DLG2: variants seen among roughly 807,000 people sequenced by gnomAD.
The protein encoded by DLG2 is disks large homolog 2.
In DLG2, 45 loss-of-function variants were observed where a neutral mutation model predicts 132.5. The observed-to-expected ratio is 0.34, with a 90% CI of 0.27 to 0.44. The LOEUF is 0.44. Ranked by LOEUF, DLG2 falls within the 20% of genes least tolerant of loss-of-function variation. DLG2 has a pLI of 1.00. For missense variants in DLG2, 1,045 were observed against 1,196.9 expected (o/e 0.87, Z 1.87); for synonymous variants, 424 against 419.6 (o/e 1.01, Z -0.13).
Position 83,763,738 on chromosome 11 carries a change from C to T in DLG2, c.1825+22952G>A, listed in dbSNP as rs566509394. Among the ~76,000 whole-genome samples the T allele has an allele frequency of 2.0e-5, 3 of 152,220 alleles. No individual in the cohort carries two copies. In the South Asian group the frequency reaches 6.2e-4, roughly 32 times the overall value. ...GAATATAACATATAATGCTGTATCC[C>T]ACATTAGCTGCATTTTAGACTCAAA... On this transcript the variant is annotated intron_variant, in intron 18 of 27. Transcript: ENST00000376104.
intron 6 of DLG2, among the ~76,000 whole-genome samples, chr11:84,778,438 C>A (rs1294911212): frequency 6.6e-6 from 1 of 152,068 alleles, no homozygotes; most frequent in African/African-American, 2.4e-5. Context: ...TCTTCTGGTT[C>A]ATTTTTGATT....
chr11:83,693,563 A>G (rs901778701), intron 18 of DLG2, among the ~76,000 whole-genome samples: 1 of 152,134 alleles, frequency 6.6e-6, no homozygotes, highest in Non-Finnish European at 1.5e-5. Flanking sequence ...CCCTTTTGAT[A>G]AAAGGGAAAG....
At chr11:85,487,810 C>T (rs750394708) in intron 3 of DLG2, among the ~76,000 whole-genome samples, 2 of 152,168 alleles carry the variant, frequency 1.3e-5, no homozygotes, top group Non-Finnish European at 2.9e-5. Context: ...ACAGGAGGCT[C>T]AGTGATCCCC....
At chr11:84,541,152 G>A (rs1033064802) in intron 6 of DLG2, among the ~76,000 whole-genome samples, 1 of 151,506 alleles carries the variant, frequency 6.6e-6, no homozygotes, top group Non-Finnish European at 1.5e-5. Context: ...TAACAAACCT[G>A]CATGTTGTGC....
chr11:84,385,181 C>T (rs891080908), intron 7 of DLG2, among the ~76,000 whole-genome samples: 2 of 152,020 alleles, frequency 1.3e-5, no homozygotes, highest in Admixed American at 1.3e-4. Context: ...GAATCTAACA[C>T]TCCCATTTAG....
intron 6 of DLG2, among the ~76,000 whole-genome samples, chr11:84,669,547 T>G (rs2099703490): frequency 6.6e-6 from 1 of 152,162 alleles, no homozygotes; most frequent in Non-Finnish European, 1.5e-5. Flanking sequence ...TTTGACAAAG[T>G]GTTAGCATCT....
intron 7 of DLG2, among the ~76,000 whole-genome samples, chr11:84,333,527 A>G (rs1168050705): frequency 3.3e-5 from 5 of 152,240 alleles, no homozygotes; most frequent in Admixed American, 2.0e-4. Flanking sequence ...CTAGTCTGCA[A>G]TAACTTTTGA....
chr11:84,995,236 T>G (rs2154127444), intron 6 of DLG2, among the ~76,000 whole-genome samples: 1 of 152,320 alleles, frequency 6.6e-6, no homozygotes, highest in South Asian at 2.1e-4. Flanking sequence ...GTAAAACTAC[T>G]GAGTACCTGG....
At chr11:84,411,909 C>A (rs537852044) in intron 7 of DLG2, among the ~76,000 whole-genome samples, 2 of 151,774 alleles carry the variant, frequency 1.3e-5, no homozygotes, top group South Asian at 4.2e-4. Flanking sequence ...TATTTTCTAG[C>A]TGAGTTATTC....
intron 3 of DLG2, among the ~76,000 whole-genome samples, chr11:85,448,530 C>A (rs1038754101): frequency 2.0e-5 from 3 of 152,176 alleles, no homozygotes; most frequent in Non-Finnish European, 4.4e-5. Flanking sequence ...AGTATCATCA[C>A]AACCCCTTTC....
At chr11:85,521,149 G>C (rs2074277968) in intron 3 of DLG2, among the ~76,000 whole-genome samples, 1 of 152,170 alleles carries the variant, frequency 6.6e-6, no homozygotes. Flanking sequence ...ATCTTATCTT[G>C]AGTTGTAATC....
chr11:85,159,479 A>G (rs568062797), intron 4 of DLG2, among the ~76,000 whole-genome samples: 2 of 152,308 alleles, frequency 1.3e-5, no homozygotes, highest in East Asian at 3.9e-4. Context: ...GATTGTGGAG[A>G]TTAGTGCCAA....
intron 18 of DLG2, among the ~76,000 whole-genome samples, chr11:83,704,154 A>G (rs993010104): frequency 5.3e-5 from 8 of 152,218 alleles, no homozygotes; most frequent in African/African-American, 1.9e-4. Context: ...TTAACTTTCT[A>G]AGTAAAAGCT....
intron 8 of DLG2, among the ~76,000 whole-genome samples, chr11:84,235,554 A>G (rs1480029021): frequency 1.3e-5 from 2 of 151,964 alleles, no homozygotes; most frequent in Non-Finnish European, 2.9e-5. Context: ...AAAAAAAAAA[A>G]TCTCTTCCCA....
At chr11:83,654,287 T>A (rs1260499128) in intron 18 of DLG2, among the ~76,000 whole-genome samples, 5 of 152,212 alleles carry the variant, frequency 3.3e-5, no homozygotes, top group Non-Finnish European at 5.9e-5. Flanking sequence ...TTGAATGAAT[T>A]AGCCTGGCAT....
At chr11:84,631,891 G>T (rs974110561) in intron 6 of DLG2, among the ~76,000 whole-genome samples, 1 of 152,036 alleles carries the variant, frequency 6.6e-6, no homozygotes, top group Non-Finnish European at 1.5e-5. Flanking sequence ...AACTTCTCTG[G>T]CATAGTTTTT....
chr11:85,404,316 C>A (rs1485758429), intron 3 of DLG2, among the ~76,000 whole-genome samples: 1 of 151,802 alleles, frequency 6.6e-6, no homozygotes, highest in Non-Finnish European at 1.5e-5. Flanking sequence ...GATGTAGGCC[C>A]TAGAAACACT....
At chr11:84,066,194 T>G (rs143924733) in intron 10 of DLG2, among the ~76,000 whole-genome samples, 15 of 151,878 alleles carry the variant, frequency 9.9e-5, no homozygotes, top group Admixed American at 8.5e-4. Flanking sequence ...ATAACAAACA[T>G]GCACATGTAC....
In DLG2 at chr11:83,972,766, TA is replaced by T. The variant is rs560482766; in HGVS notation, c.1057-7299del. ...TGTGTTGAGTCAGAGAGTAAAGCAA[TA>T]AGAATGAAGGTCATTCAAGCAACAA... On this transcript the variant is annotated intron_variant, in intron 12 of 27. Coordinates refer to ENST00000376104, the MANE Select transcript of DLG2 (RefSeq NM_001142699.3). Among the ~76,000 whole-genome samples, 50 of 152,202 alleles carry T rather than the reference TA, an allele frequency of 3.3e-4. 1 individual carries two copies. The East Asian group carries it at 8.5e-3, about 26-fold the overall frequency.
Sources: allele counts gnomAD v4.1 joint callset (sites outside exome capture counted in the v4.1 genomes callset), GRCh38; gene constraint gnomAD v4.1.1; transcripts MANE v1.5; gene names NCBI Gene and HGNC (gene_info 2026-07-23, HGNC 2026-07-21).